AKR1C3: variants seen among roughly 807,000 people sequenced by gnomAD.
AKR1C3 encodes 3-alpha hydroxysteroid dehydrogenase, type II.
Under a neutral mutation model 43.6 loss-of-function variants are expected in AKR1C3, and 48 were observed. That is an observed-to-expected ratio of 1.10 (90% CI 0.87 to 1.40). AKR1C3 has a LOEUF of 1.40. AKR1C3 is among the 40% of genes most tolerant of loss of function. AKR1C3 has a pLI of 0.00. For synonymous variants in AKR1C3, 162 were observed against 139.6 expected (o/e 1.16, Z -1.13); for missense variants, 482 against 391.2 (o/e 1.23, Z -1.96).
intron 1 of AKR1C3, among the ~76,000 whole-genome samples, chr10:5,076,650 G>C (rs7071638): frequency 0.87 from 132,367 of 151,954 alleles, 57,900 homozygotes; most frequent in African/African-American, 0.96. Flanking sequence ...CACATGCTCT[G>C]TACTAATTCA....
At chr10:5,051,152 G>C (rs1250466191) in intron 1 of AKR1C3, among the ~76,000 whole-genome samples, 4 of 152,202 alleles carry the variant, frequency 2.6e-5, no homozygotes, top group Admixed American at 2.6e-4. Flanking sequence ...CTGGAGTACA[G>C]TGGCGTGGTC....
chr10:5,088,261 G>A (rs1554783579), intron 1 of AKR1C3, among the ~76,000 whole-genome samples: 1 of 152,232 alleles, frequency 6.6e-6, no homozygotes. Flanking sequence ...TTTGAGAATG[G>A]TTCATGTGCA....
At chr10:5,064,657 C>A (rs546071179) in intron 1 of AKR1C3, among the ~76,000 whole-genome samples, 1 of 152,156 alleles carries the variant, frequency 6.6e-6, no homozygotes, top group Non-Finnish European at 1.5e-5. Context: ...TATCCAGAAT[C>A]TACAAGAAAC....
chr10:5,060,625 C>T (rs1177115511), intron 1 of AKR1C3, among the ~76,000 whole-genome samples: 1 of 151,320 alleles, frequency 6.6e-6, no homozygotes, highest in Admixed American at 6.7e-5. Flanking sequence ...GCTGGCTTCA[C>T]TCAGTGGATC....
At chr10:5,065,437 A>T (rs1309417868) in intron 1 of AKR1C3, among the ~76,000 whole-genome samples, 2 of 152,196 alleles carry the variant, frequency 1.3e-5, no homozygotes, top group Non-Finnish European at 2.9e-5. Context: ...CTCCAAGATG[A>T]TGATATTAGG....
intron 1 of AKR1C3, among the ~76,000 whole-genome samples, chr10:5,083,382 C>A (rs1451921103): frequency 6.6e-6 from 1 of 152,126 alleles, no homozygotes; most frequent in Non-Finnish European, 1.5e-5. Flanking sequence ...CCAGTTTCAT[C>A]CATGTCCCTA....
chr10:5,063,488 T>C (rs1554780445), intron 1 of AKR1C3, among the ~76,000 whole-genome samples: 3 of 150,984 alleles, frequency 2.0e-5, no homozygotes. Context: ...CTATAGAGAG[T>C]GGGAAACATT....
chr10:5,103,471 A>ATTC (rs1488789217), intron 7 of AKR1C3, among the ~76,000 whole-genome samples: 2 of 152,122 alleles, frequency 1.3e-5, no homozygotes, highest in Admixed American at 1.3e-4. Flanking sequence ...TTTACTCAGG[A>ATTC]TTCTCTAGTT....
intron 1 of AKR1C3, among the ~76,000 whole-genome samples, chr10:5,053,830 C>G (rs1340955577): frequency 7.2e-5 from 11 of 152,122 alleles, no homozygotes; most frequent in African/African-American, 2.7e-4. Context: ...GTCCAGGGGT[C>G]CTTGGTAGAA....
intron 1 of AKR1C3, among the ~76,000 whole-genome samples, chr10:5,072,595 T>C (rs1191044153): frequency 6.6e-6 from 1 of 152,156 alleles, no homozygotes; most frequent in Non-Finnish European, 1.5e-5. Context: ...AATGAAAATA[T>C]CAAGAAAGAT....
chr10:5,066,011 T>G (rs531711095), intron 1 of AKR1C3, among the ~76,000 whole-genome samples: 1 of 152,286 alleles, frequency 6.6e-6, no homozygotes, highest in East Asian at 1.9e-4. Flanking sequence ...CCAGGGGTGG[T>G]GTCTTTACCT....
intron 1 of AKR1C3, among the ~76,000 whole-genome samples, chr10:5,056,333 A>G (rs1288788196): frequency 1.3e-5 from 2 of 152,184 alleles, no homozygotes; most frequent in African/African-American, 2.4e-5. Context: ...GTCCAGAACC[A>G]TGAACGATTC....
intron 1 of AKR1C3, among the ~76,000 whole-genome samples, chr10:5,065,225 A>G (rs1838475442): frequency 6.6e-6 from 1 of 152,118 alleles, no homozygotes; most frequent in Non-Finnish European, 1.5e-5. Context: ...AAACAAAATT[A>G]CTATTCAACC....
chr10:5,062,284 A>G (rs61708392), intron 1 of AKR1C3, among the ~76,000 whole-genome samples: 3,142 of 152,216 alleles, frequency 0.021, 111 homozygotes, highest in African/African-American at 0.072. Context: ...GCAGCCCACA[A>G]TCTTTCCTTA....
Position 5,078,022 on chromosome 10 carries a change from G to A in AKR1C3, c.85-18388G>A, listed in dbSNP as rs782138630. 4 of 669,132 alleles carry A rather than the reference G, an allele frequency of 6.0e-6. No homozygotes were observed. The East Asian group carries it at 8.5e-5, about 14-fold the overall frequency. The allele number at this position is 669,132 out of a possible 1,614,324, so 41.4% of individuals were successfully genotyped here. On this transcript the variant is annotated intron_variant, in intron 1 of 8. Transcript: ENST00000439082. ...TAAGATGTGACATTGTCAGTGAGCT[G>A]AAAATATGATTACTATATTTTGTAA...
At chr10:5,101,039 T>G (rs185937812) in intron 5 of AKR1C3, among the ~76,000 whole-genome samples, 1 of 152,318 alleles carries the variant, frequency 6.6e-6, no homozygotes, top group East Asian at 1.9e-4. Context: ...GTATAATTAT[T>G]GTATCTAAGG....
chr10:5,053,098 G>T (rs1315395623), intron 1 of AKR1C3, among the ~76,000 whole-genome samples: 1 of 152,212 alleles, frequency 6.6e-6, no homozygotes, highest in African/African-American at 2.4e-5. Context: ...TGGATCCCAT[G>T]CTGGGACCGC....
At chr10:5,056,253 T>C (rs1838259767) in intron 1 of AKR1C3, among the ~76,000 whole-genome samples, 1 of 152,124 alleles carries the variant, frequency 6.6e-6, no homozygotes, top group African/African-American at 2.4e-5. Flanking sequence ...GTGTGGTCTG[T>C]GGGATCCTCA....
At chr10:5,050,852 T>C (rs72772183) in intron 1 of AKR1C3, among the ~76,000 whole-genome samples, 20,554 of 152,204 alleles carry the variant, frequency 0.14, 1,732 homozygotes, top group South Asian at 0.23. Context: ...TTTCATAAGG[T>C]AGGCAGGCAC....
Sources: allele counts gnomAD v4.1 joint callset (sites outside exome capture counted in the v4.1 genomes callset), GRCh38; gene constraint gnomAD v4.1.1; transcripts MANE v1.5; gene names NCBI Gene and HGNC (gene_info 2026-07-23, HGNC 2026-07-21).